The following DEFB119 variants were observed in gnomAD, a reference collection of about 807,000 sequenced individuals.
DEFB119 encodes the protein beta-defensin 119.
Under a neutral mutation model 2.5 loss-of-function variants are expected in DEFB119, and 3 were observed. The observed-to-expected ratio is 1.19, with a 90% CI of 0.54 to 3.07. The LOEUF is 3.07. Ranked by LOEUF, DEFB119 falls within the 30% of genes most tolerant of loss-of-function variation. The pLI is 0.03. For missense variants in DEFB119, 113 were observed against 101.1 expected (o/e 1.12, Z -0.50); for synonymous variants, 29 against 33.7 (o/e 0.86, Z 0.48).
At chr20:31,384,516 TTA>T (rs755425913) in intron 1 of DEFB119, among the ~76,000 whole-genome samples, 15 of 152,082 alleles carry the variant, frequency 9.9e-5, no homozygotes, top group Non-Finnish European at 1.9e-4. Flanking sequence ...AAAAGAGTTC[TTA>T]TATGAAGATC....
intron 1 of DEFB119, among the ~76,000 whole-genome samples, chr20:31,386,608 T>A (rs2122309589): frequency 6.6e-6 from 1 of 152,142 alleles, no homozygotes; most frequent in East Asian, 1.9e-4. Flanking sequence ...CTTAAAAATG[T>A]GGATTTCATT....
intron 1 of DEFB119, among the ~76,000 whole-genome samples, chr20:31,382,981 AG>A (rs1388029562): frequency 6.6e-6 from 1 of 152,244 alleles, no homozygotes; most frequent in Admixed American, 6.5e-5. Context: ...GTGATAACCT[AG>A]AAAAGGGACA....
chr20:31,382,908 C>T (rs1042941393), intron 1 of DEFB119, among the ~76,000 whole-genome samples: 3 of 152,146 alleles, frequency 2.0e-5, no homozygotes, highest in Admixed American at 6.5e-5. Flanking sequence ...TAACATAATA[C>T]GTGTCATAAC....
chr20:31,380,931 G>A (rs529607055), intron 1 of DEFB119, among the ~76,000 whole-genome samples: 1 of 152,144 alleles, frequency 6.6e-6, no homozygotes, highest in Non-Finnish European at 1.5e-5. Context: ...TCTTCAGGCA[G>A]GGTATAGACA....
chr20:31,390,463 A>T lies in DEFB119; in HGVS notation c.21T>A (p.Phe7Leu). The change falls in exon 1 of 2, where the codon TTT (phenylalanine) becomes TTA (leucine). Residue 7 changes from phenylalanine (F) to leucine (L), a missense_variant. Transcript: ENST00000376321. ...CTTCTATGGCCAGAAGGATGGCAAG[A>T]AACAGGTAAAGAAGTTTCATGGCTG... MKLLYL[F>L]LAILLAIEEP... 6.2e-7 allele frequency: 1 copy of T among 1,613,128 alleles called. No individual in the cohort carries two copies. Among genetic ancestry groups the T allele is most frequent in the Admixed American group, 1.7e-5 (1 of 59,848 alleles).
At chr20:31,379,186 C>T (rs1986414913) in intron 1 of DEFB119, among the ~76,000 whole-genome samples, 1 of 152,100 alleles carries the variant, frequency 6.6e-6, no homozygotes, top group African/African-American at 2.4e-5. Flanking sequence ...GATCCACCCA[C>T]CTCAGCCTCC....
At chr20:31,381,986 G>T (rs1426124524) in intron 1 of DEFB119, among the ~76,000 whole-genome samples, 2 of 152,182 alleles carry the variant, frequency 1.3e-5, no homozygotes, top group Non-Finnish European at 2.9e-5. Context: ...GAAGAGGGCT[G>T]GTATGACTTT....
chr20:31,388,159 G>A lies in DEFB119; in HGVS notation c.61+2264C>T, dbSNP rs566634309. 92 of 984,718 alleles carry A rather than the reference G, an allele frequency of 9.3e-5. No homozygotes were observed. In the African/African-American group the frequency reaches 1.0e-3, roughly 11 times the overall value. The allele number at this position is 984,718 out of a possible 1,614,324, so 61.0% of individuals were successfully genotyped here. On this transcript the variant is annotated intron_variant, in intron 1 of 1. Coordinates refer to ENST00000376321, the MANE Select transcript of DEFB119 (RefSeq NM_153289.4). ...AGATTCCCAAACAGGATTCTTAAAT[G>A]TTCCCCATGAGTGAGTCTTCTCCCC... is the stretch of plus-strand genomic sequence containing the variant.
chr20:31,386,811 T>C (rs1480967692), intron 1 of DEFB119, among the ~76,000 whole-genome samples: 1 of 60,054 alleles, frequency 1.7e-5, no homozygotes, highest in Non-Finnish European at 3.1e-5. Flanking sequence ...TTTCTTTTTC[T>C]TTTTTTTTTT....
chr20:31,382,746 C>G (rs1017780130), intron 1 of DEFB119, among the ~76,000 whole-genome samples: 2 of 152,208 alleles, frequency 1.3e-5, no homozygotes, highest in Non-Finnish European at 2.9e-5. Context: ...TCAAGAAACA[C>G]TCACTAAATC....
chr20:31,386,810 C>CTTTTTTTTTTTTTTTTTTTTT (rs148428945), intron 1 of DEFB119, among the ~76,000 whole-genome samples: 5 of 108,904 alleles, frequency 4.6e-5, no homozygotes, highest in African/African-American at 1.6e-4. Context: ...TTTTCTTTTT[C>CTTTTTTTTTTTTTTTTTTTTT]TTTTTTTTTT....
Position 31,377,358 on chromosome 20 carries a change from T to C in DEFB119, c.143A>G (p.Tyr48Cys), listed in dbSNP as rs772830343. ...SCKKNEQPYL[Y>C]CRNCQSCCLQ... The stretch of plus-strand genomic sequence containing the variant: ...GCAGCAGGACTGACAATTTCTGCAA[T>C]AGAGGTAGGGCTGTTCGTTCTTTTT... Residue 48 changes from tyrosine to cysteine, a missense_variant, in exon 2 of 2, where the codon TAT becomes TGT. Physicochemically the swap from Tyr to Cys is radical, Grantham distance 194. Coordinates refer to ENST00000376321, the MANE Select transcript of DEFB119 (RefSeq NM_153289.4). The C allele has an allele frequency of 9.9e-6, 16 of 1,614,018 alleles. No individual in the cohort carries two copies. The highest frequency in any genetic ancestry group is 1.4e-5 in the Non-Finnish European group (16 of 1,180,020).
At chr20:31,388,294 A>G in intron 1 of DEFB119, 5 of 985,704 alleles carry the variant, frequency 5.1e-6, no homozygotes, top group Non-Finnish European at 6.0e-6. Context: ...TCAATGAACA[A>G]TAGGTGACGA....
chr20:31,380,786 C>G (rs985711818), intron 1 of DEFB119, among the ~76,000 whole-genome samples: 4 of 151,362 alleles, frequency 2.6e-5, no homozygotes, highest in Non-Finnish European at 5.9e-5. Context: ...GATTGATGTA[C>G]CTGTTTCTCC....
At chr20:31,379,930 G>C (rs1443113555) in intron 1 of DEFB119, among the ~76,000 whole-genome samples, 3 of 152,266 alleles carry the variant, frequency 2.0e-5, no homozygotes, top group African/African-American at 7.2e-5. Context: ...CTCCCAAAGT[G>C]GTGGGATTAC....
intron 1 of DEFB119, among the ~76,000 whole-genome samples, chr20:31,383,949 C>A (rs1256163071): frequency 6.6e-6 from 1 of 152,140 alleles, no homozygotes; most frequent in Non-Finnish European, 1.5e-5. Flanking sequence ...GTAAAATGTG[C>A]CTTTGCTTCT....
intron 1 of DEFB119, among the ~76,000 whole-genome samples, chr20:31,384,973 A>C (rs1986639969): frequency 1.3e-5 from 2 of 152,224 alleles, no homozygotes; most frequent in Non-Finnish European, 2.9e-5. Flanking sequence ...TGTTATTGTA[A>C]ACTTCAAAAA....
chr20:31,387,334 T>C (rs1414178583), intron 1 of DEFB119, among the ~76,000 whole-genome samples: 1 of 152,196 alleles, frequency 6.6e-6, no homozygotes, highest in African/African-American at 2.4e-5. Flanking sequence ...CAGGATCCAA[T>C]ACCAGGCACA....
intron 1 of DEFB119, among the ~76,000 whole-genome samples, chr20:31,385,374 C>CAAAAAAAAAAAAAAAAAAAAAAAAAAAA (rs539118665): frequency 8.6e-6 from 1 of 115,804 alleles, no homozygotes; most frequent in African/African-American, 3.4e-5. Context: ...TAACAAAAGA[C>CAAAAAAAAAAAAAAAAAAAAAAAAAAAA]AAAAAAAAAA....
Sources: allele counts gnomAD v4.1 joint callset (sites outside exome capture counted in the v4.1 genomes callset), GRCh38; gene constraint gnomAD v4.1.1; transcripts MANE v1.5; gene names NCBI Gene and HGNC (gene_info 2026-07-23, HGNC 2026-07-21).